The following DLGAP1 variants were observed in gnomAD, a reference collection of about 807,000 sequenced individuals.
The protein encoded by DLGAP1 is disks large-associated protein 1.
A neutral mutation model predicts 90.8 loss-of-function variants in DLGAP1; 11 were observed. That is an observed-to-expected ratio of 0.12 (90% CI 0.08 to 0.20). The LOEUF (loss-of-function observed/expected upper bound fraction) is 0.20, where lower values mean the gene tolerates loss of function less well. Ranked by LOEUF, DLGAP1 falls within the 10% of genes least tolerant of loss-of-function variation. The pLI is 1.00. For synonymous variants in DLGAP1, 558 were observed against 540.7 expected (o/e 1.03, Z -0.44); for missense variants, 1,050 against 1,333.8 (o/e 0.79, Z 3.31).
At chr18:4,452,514 G>A (rs147340221) in intron 1 of DLGAP1, among the ~76,000 whole-genome samples, 24 of 152,088 alleles carry the variant, frequency 1.6e-4, no homozygotes, top group African/African-American at 3.9e-4. Context: ...ATGGAACAAA[G>A]GCACACATAT....
intron 2 of DLGAP1, among the ~76,000 whole-genome samples, chr18:4,143,709 T>A (rs982188886): frequency 6.6e-6 from 1 of 151,944 alleles, no homozygotes; most frequent in Non-Finnish European, 1.5e-5. Context: ...TCACCCAAAC[T>A]GGGGATGTAT....
chr18:4,117,952 G>T (rs1204459058), intron 2 of DLGAP1, among the ~76,000 whole-genome samples: 1 of 151,880 alleles, frequency 6.6e-6, no homozygotes, highest in Non-Finnish European at 1.5e-5. Context: ...ATCTAGCTCT[G>T]ATTGCTTCTG....
chr18:4,226,920 A>G (rs539834941), intron 1 of DLGAP1, among the ~76,000 whole-genome samples: 17 of 152,082 alleles, frequency 1.1e-4, no homozygotes, highest in African/African-American at 3.4e-4. Context: ...AGAGTGACTG[A>G]ATAGATAAAA....
intron 1 of DLGAP1, among the ~76,000 whole-genome samples, chr18:4,376,591 A>G (rs1227272803): frequency 6.6e-6 from 1 of 152,154 alleles, no homozygotes; most frequent in African/African-American, 2.4e-5. Flanking sequence ...ATAGTTTTAG[A>G]CCAAAGATAA....
intron 2 of DLGAP1, among the ~76,000 whole-genome samples, chr18:4,099,861 A>G (rs1391643504): frequency 6.6e-6 from 1 of 151,870 alleles, no homozygotes; most frequent in Non-Finnish European, 1.5e-5. Flanking sequence ...GTGCTGCCAC[A>G]TGCAAGTAAA....
intron 2 of DLGAP1, among the ~76,000 whole-genome samples, chr18:4,122,407 T>TCCG (rs941622354): frequency 3.3e-5 from 5 of 152,180 alleles, no homozygotes; most frequent in Non-Finnish European, 7.3e-5. Flanking sequence ...AAAGGCCTTT[T>TCCG]CCGCCACGAT....
intron 2 of DLGAP1, among the ~76,000 whole-genome samples, chr18:4,090,598 A>T (rs1568390723): frequency 6.6e-6 from 1 of 152,154 alleles, no homozygotes; most frequent in Non-Finnish European, 1.5e-5. Flanking sequence ...GAAACAATAG[A>T]CGCTGGCAAA....
intron 1 of DLGAP1, among the ~76,000 whole-genome samples, chr18:4,297,566 T>C (rs1202900831): frequency 6.6e-6 from 1 of 152,200 alleles, no homozygotes; most frequent in Non-Finnish European, 1.5e-5. Context: ...TTCAGTATGA[T>C]CCTGAGCCTC....
intron 6 of DLGAP1, among the ~76,000 whole-genome samples, chr18:3,731,545 C>T (rs2147490940): frequency 6.6e-6 from 1 of 150,838 alleles, no homozygotes; most frequent in East Asian, 2.0e-4. Context: ...ATAGCTGGGA[C>T]CACAGGTACG....
intron 1 of DLGAP1, among the ~76,000 whole-genome samples, chr18:4,158,612 A>G (rs1159815309): frequency 6.6e-6 from 1 of 152,180 alleles, no homozygotes; most frequent in Non-Finnish European, 1.5e-5. Flanking sequence ...TGTTCTCCTC[A>G]ACGTCTTCTC....
rs371235864 is a variant in DLGAP1 at position 3,901,212 on chromosome 18, GC to G, written c.-72-21073del. ...TGCTTACGTCCTCCACTTAAGCAATGCCCTTCCCTGCCTACACAGCTCCTAC... is the reference window on the plus strand; with the variant it reads ...TGCTTACGTCCTCCACTTAAGCAATGCCTTCCCTGCCTACACAGCTCCTAC... On this transcript the variant is annotated intron_variant, in intron 3 of 12. Transcript: ENST00000315677. 7.0e-3 allele frequency among the ~76,000 whole-genome samples: 1,064 copies of G among 152,040 alleles called. 14 individuals are homozygous for G. Among genetic ancestry groups the G allele is most frequent in the African/African-American group, 0.024 (990 of 41,458 alleles).
intron 1 of DLGAP1, among the ~76,000 whole-genome samples, chr18:4,320,717 TACACACACACACACACACACACAC>T (rs71160954): frequency 6.8e-6 from 1 of 146,818 alleles, no homozygotes; most frequent in Non-Finnish European, 1.5e-5. Context: ...ATTACAATTT[TACACACACACACACACACACACAC>T]ACACACACAC....
At chr18:3,641,590 C>G (rs531781670) in intron 7 of DLGAP1, among the ~76,000 whole-genome samples, 15 of 147,856 alleles carry the variant, frequency 1.0e-4, no homozygotes, top group Admixed American at 4.0e-4. Context: ...TATATATACA[C>G]ACACACACAC....
chr18:4,444,754 A>C (rs2144858397), intron 1 of DLGAP1, among the ~76,000 whole-genome samples: 1 of 152,316 alleles, frequency 6.6e-6, no homozygotes, highest in East Asian at 1.9e-4. Context: ...GCAGAAAAAA[A>C]ATATACAGTA....
At chr18:3,930,723 T>G (rs1474602664) in intron 3 of DLGAP1, among the ~76,000 whole-genome samples, 1 of 152,182 alleles carries the variant, frequency 6.6e-6, no homozygotes, top group Non-Finnish European at 1.5e-5. Flanking sequence ...GGGACACTGA[T>G]GCCACTTTCC....
intron 9 of DLGAP1, among the ~76,000 whole-genome samples, chr18:3,544,295 G>A (rs941335843): frequency 2.0e-5 from 3 of 152,136 alleles, no homozygotes; most frequent in Admixed American, 6.5e-5. Flanking sequence ...AGGCTGAGGC[G>A]CGAGATTGCT....
chr18:3,680,231 A>G (rs913111919), intron 7 of DLGAP1: 2 of 152,342 alleles, frequency 1.3e-5, no homozygotes, highest in South Asian at 2.1e-4. Flanking sequence ...GGAGCGAAAC[A>G]AAACCAAAAG....
chr18:3,556,695 T>C (rs1386868240), intron 9 of DLGAP1, among the ~76,000 whole-genome samples: 2 of 152,220 alleles, frequency 1.3e-5, no homozygotes, highest in African/African-American at 4.8e-5. Context: ...GTTTGGGTGA[T>C]TAGAAATACA....
At chr18:4,224,768 G>A (rs1011135173) in intron 1 of DLGAP1, among the ~76,000 whole-genome samples, 1 of 152,050 alleles carries the variant, frequency 6.6e-6, no homozygotes, top group Admixed American at 6.5e-5. Context: ...GGGCCAGGGG[G>A]ACTCACTACA....
Sources: allele counts gnomAD v4.1 joint callset (sites outside exome capture counted in the v4.1 genomes callset), GRCh38; gene constraint gnomAD v4.1.1; transcripts MANE v1.5; gene names NCBI Gene and HGNC (gene_info 2026-07-23, HGNC 2026-07-21).